STK3: variants seen among roughly 807,000 people sequenced by gnomAD.
STK3 encodes the protein serine/threonine kinase 3.
Under a neutral mutation model 58.0 loss-of-function variants are expected in STK3, and 41 were observed. The ratio of observed to expected loss-of-function variants is 0.71; its 90% CI spans 0.55 to 0.92. The LOEUF is 0.92. STK3 is among the 40% of genes least tolerant of loss of function. STK3 has a pLI of 0.00. For missense variants in STK3, 479 were observed against 602.7 expected (o/e 0.79, Z 2.15); for synonymous variants, 170 against 191.0 (o/e 0.89, Z 0.91).
intron 7 of STK3, among the ~76,000 whole-genome samples, chr8:98,591,034 T>C (rs1419652322): frequency 6.6e-6 from 1 of 152,220 alleles, no homozygotes; most frequent in East Asian, 1.9e-4. Context: ...AATATACAGA[T>C]AGTCCCTGAC....
intron 1 of STK3, chr8:98,904,524 G>T: frequency 2.3e-6 from 1 of 440,506 alleles, no homozygotes; most frequent in South Asian, 1.8e-5. Flanking sequence ...TGGCAAAGGG[G>T]ACCGCACGGA....
At chr8:98,700,402 A>T (rs578018171) in intron 6 of STK3, among the ~76,000 whole-genome samples, 1 of 152,268 alleles carries the variant, frequency 6.6e-6, no homozygotes, top group East Asian at 1.9e-4. Context: ...GGCACTCCCT[A>T]GTGAGATGAA....
At chr8:98,723,897 C>G (rs2131202712) in intron 4 of STK3, among the ~76,000 whole-genome samples, 1 of 152,148 alleles carries the variant, frequency 6.6e-6, no homozygotes, top group East Asian at 1.9e-4. Flanking sequence ...CCCTATATTC[C>G]TCGAGTCAGG....
intron 4 of STK3, among the ~76,000 whole-genome samples, chr8:98,715,223 T>C (rs372095372): frequency 1.3e-4 from 20 of 152,016 alleles, no homozygotes; most frequent in Middle Eastern, 3.4e-3. Flanking sequence ...TAGGCATGGG[T>C]AAGGACTTCA....
chr8:98,447,549 T>C (rs1819004029), intron 1 of STK3, among the ~76,000 whole-genome samples: 1 of 145,822 alleles, frequency 6.9e-6, no homozygotes, highest in South Asian at 2.1e-4. Flanking sequence ...GCATATATAC[T>C]ATATATATAT....
intron 10 of STK3, among the ~76,000 whole-genome samples, chr8:98,490,870 G>A (rs1204702121): frequency 1.3e-5 from 2 of 152,106 alleles, no homozygotes; most frequent in Non-Finnish European, 2.9e-5. Flanking sequence ...TATCACTCCC[G>A]GAGATTCTGT....
intron 6 of STK3, chr8:98,633,411 T>C (rs1045872945): frequency 8.5e-6 from 4 of 472,554 alleles, no homozygotes; most frequent in African/African-American, 5.9e-5. Context: ...AGCAGCATCA[T>C]GAAGTTTACT....
At chr8:98,849,336 A>T (rs1836347436) in intron 3 of STK3, among the ~76,000 whole-genome samples, 2 of 152,096 alleles carry the variant, frequency 1.3e-5, no homozygotes, top group South Asian at 4.2e-4. Flanking sequence ...AAGGCACATG[A>T]TCAGATTTCT....
chr8:98,367,773 A>G (rs1210486437), downstream of STK3, among the ~76,000 whole-genome samples: 1 of 152,178 alleles, frequency 6.6e-6, no homozygotes, highest in Non-Finnish European at 1.5e-5. Context: ...GGCTAATGGG[A>G]AGCACATTGA....
intron 10 of STK3, among the ~76,000 whole-genome samples, chr8:98,499,167 C>T (rs963853274): frequency 2.0e-5 from 3 of 152,076 alleles, no homozygotes; most frequent in Non-Finnish European, 4.4e-5. Context: ...CCAAGGAATG[C>T]AAGGAATACA....
At chr8:98,852,050 G>A (rs1836489283) in intron 3 of STK3, among the ~76,000 whole-genome samples, 1 of 151,342 alleles carries the variant, frequency 6.6e-6, no homozygotes, top group Admixed American at 6.6e-5. Context: ...GAGACAGAAA[G>A]ACAAGAGAAT....
At chr8:98,814,370 T>G (rs1055377281) in intron 1 of STK3, among the ~76,000 whole-genome samples, 4 of 126,642 alleles carry the variant, frequency 3.2e-5, no homozygotes, top group Non-Finnish European at 5.1e-5. Flanking sequence ...TTTTTTTTTG[T>G]CACCCAAGCG....
intron 3 of STK3, among the ~76,000 whole-genome samples, chr8:98,850,787 G>T (rs1342185891): frequency 2.0e-5 from 3 of 152,150 alleles, no homozygotes; most frequent in African/African-American, 7.2e-5. Context: ...GTGCCTGGGG[G>T]TTCAGAGTTT....
chr8:98,920,002 T>C (rs774598893), intron 1 of STK3, among the ~76,000 whole-genome samples: 25 of 152,362 alleles, frequency 1.6e-4, no homozygotes, highest in Non-Finnish European at 3.5e-4. Context: ...TCTTTTTCCA[T>C]TTCATTTTCT....
chr8:98,862,178 T>C (rs1836960370), intron 3 of STK3, among the ~76,000 whole-genome samples: 1 of 152,166 alleles, frequency 6.6e-6, no homozygotes, highest in Admixed American at 6.5e-5. Flanking sequence ...TGAGGAAAGA[T>C]GTGTGAAAAA....
At chr8:98,465,802 A>T (rs1820416948) in intron 10 of STK3, among the ~76,000 whole-genome samples, 1 of 152,176 alleles carries the variant, frequency 6.6e-6, no homozygotes, top group African/African-American at 2.4e-5. Context: ...GTCTTAGAGA[A>T]ATCTCGGCCA....
chr8:98,937,183 C>A (rs1232607456), intron 1 of STK3, among the ~76,000 whole-genome samples: 1 of 152,180 alleles, frequency 6.6e-6, no homozygotes, highest in Non-Finnish European at 1.5e-5. Flanking sequence ...TTCCCTTACT[C>A]CTCCTCCAGC....
chr8:98,382,898 C>T (rs1178029450), intron 1 of STK3, among the ~76,000 whole-genome samples: 4 of 152,192 alleles, frequency 2.6e-5, no homozygotes, highest in Admixed American at 2.6e-4. Context: ...TGCATGGCAG[C>T]GTTTCAAAGT....
intron 3 of STK3, among the ~76,000 whole-genome samples, chr8:98,847,663 G>C (rs1836262128): frequency 6.6e-6 from 1 of 152,064 alleles, no homozygotes; most frequent in African/African-American, 2.4e-5. Context: ...GGAGGCCTGG[G>C]GGTCAAGCTT....
Sources: gnomAD v4.1 joint callset for allele counts (sites outside exome capture counted in the v4.1 genomes callset) on GRCh38, gnomAD v4.1.1 for gene constraint, MANE v1.5 for transcripts, NCBI Gene and HGNC (gene_info 2026-07-23, HGNC 2026-07-21) for gene names.